The following WNT5B variants were observed in gnomAD, a reference collection of about 807,000 sequenced individuals.
The protein encoded by WNT5B is Wnt family member 5B.
In WNT5B, 18 loss-of-function variants were observed where a neutral mutation model predicts 36.5. The ratio of observed to expected loss-of-function variants is 0.49; its 90% CI spans 0.34 to 0.73. The LOEUF (loss-of-function observed/expected upper bound fraction) is 0.73. WNT5B is among the 30% of genes least tolerant of loss of function. The pLI, the probability that WNT5B is intolerant of heterozygous loss-of-function variation, is 0.01. For synonymous variants in WNT5B, 213 were observed against 212.3 expected (o/e 1.00, Z -0.03); for missense variants, 424 against 508.4 (o/e 0.83, Z 1.60).
At position 1,645,940 on chromosome 12, in the gene WNT5B, C is replaced by G. The variant is rs1242901894; in HGVS notation, c.768C>G (p.Arg256=). 1.2e-6 allele frequency: 2 copies of G among 1,610,092 alleles called. No homozygotes were observed. Among genetic ancestry groups the G allele is most frequent in the Non-Finnish European group, 1.7e-6 (2 of 1,179,850 alleles). ...AGTACGACAGCGCGGCCGCCATGCG[C>G]GTCACCCGCAAGGGCCGGCTGGAGC... ...KEKYDSAAAM[R]VTRKGRLELV... The change falls in exon 5 of 5, where the codon CGC becomes CGG. Residue 256 remains arginine, a synonymous_variant. Transcript: ENST00000397196.
chr12:1,643,451 T>C lies in WNT5B; in HGVS notation c.622-2343T>C, dbSNP rs930986979. On this transcript the variant is annotated intron_variant, in intron 4 of 4. Transcript: ENST00000397196. ...GCGATCTCGGCTCACTGCAAACCTC[T>C]GCTTCCCAGGTTCAAGCGATTCTTC... is the stretch of plus-strand genomic sequence containing the variant. 4.6e-5 allele frequency among the ~76,000 whole-genome samples: 7 copies of C among 152,222 alleles called. No homozygotes were observed. In the East Asian group the frequency reaches 5.8e-4, roughly 13 times the overall value.
intron 4 of WNT5B, 81 bp from the exon 5 acceptor site, chr12:1,645,713 A>T: frequency 7.4e-7 from 1 of 1,350,002 alleles, no homozygotes; most frequent in Non-Finnish European, 1.0e-6. Context: ...CCTGTGTACT[A>T]GGCCTGTGGC....
intron 4 of WNT5B, chr12:1,645,028 C>T (rs1405619530): frequency 6.6e-6 from 1 of 152,184 alleles, no homozygotes; most frequent in East Asian, 1.9e-4. Context: ...TATGGCAAGA[C>T]TCCTGATGAC....
intron 4 of WNT5B, among the ~76,000 whole-genome samples, 192 bp downstream of exon 4, chr12:1,640,168 C>CT (rs1308592112): frequency 2.0e-5 from 3 of 152,244 alleles, no homozygotes; most frequent in African/African-American, 7.2e-5. Flanking sequence ...TCCCAATGGG[C>CT]ATACGTGCTT....
At position 1,632,637 on chromosome 12, in the gene WNT5B, C is replaced by A; in HGVS notation, c.81-21C>A. The A allele has an allele frequency of 1.3e-6, 2 of 1,581,264 alleles. No homozygotes were observed. Among genetic ancestry groups the A allele is most frequent in the South Asian group, 2.2e-5 (2 of 89,154 alleles). On this transcript the variant is annotated intron_variant, in intron 2 of 4. Coordinates refer to ENST00000397196, the MANE Select transcript of WNT5B (RefSeq NM_032642.3). This position sits in a 1 kb window ranked among gnomAD's most constrained non-coding sequence, Gnocchi z 5.8. ...GCTCACTCCTGGGCCTTTTTTTCCC[C>A]TTTCTGGATTGCTGTCCTAGGTCAT...
At chr12:1,639,205 T>G (rs1214374502) in intron 3 of WNT5B, among the ~76,000 whole-genome samples, 1 of 150,510 alleles carries the variant, frequency 6.6e-6, no homozygotes, top group African/African-American at 2.4e-5. Flanking sequence ...TGGCGCGGTC[T>G]CAGCTCCCTG....
upstream of WNT5B, among the ~76,000 whole-genome samples, chr12:1,629,043 A>AT (rs373799013): frequency 0.015 from 2,063 of 139,602 alleles, 43 homozygotes; most frequent in African/African-American, 0.055. Flanking sequence ...TTGGGGGGCA[A>AT]TTTTTAAAAA....
chr12:1,631,094 G>T (rs934136575), intron 1 of WNT5B: 2 of 382,666 alleles, frequency 5.2e-6, no homozygotes, highest in Admixed American at 3.9e-5. Flanking sequence ...CCTGTGCAGG[G>T]TTCCCACAGT....
chr12:1,627,306 G>A (rs2094542618), upstream of WNT5B, among the ~76,000 whole-genome samples: 1 of 152,196 alleles, frequency 6.6e-6, no homozygotes, highest in African/African-American at 2.4e-5. The surrounding 1 kb of genome is among the most constrained non-coding windows in gnomAD (Gnocchi z 5.0). Flanking sequence ...TGAGGAGAGG[G>A]GCAGATGTGG....
chr12:1,639,747 G>A lies in WNT5B; in HGVS notation c.392G>A (p.Arg131Gln), dbSNP rs751763308. The change falls in exon 4 of 5, where the codon CGG (arginine) becomes CAG (glutamine). Residue 131 changes from arginine (R) to glutamine (Q), a missense_variant. Arg to Gln is a conservative substitution (Grantham distance 43, BLOSUM62 1). Transcript: ENST00000397196. ...GCGGGCGTGGTCAACGCCATCAGCC[G>A]GGCCTGCCGCGAGGGCGAGCTCTCC... is the stretch of plus-strand genomic sequence containing the variant. The part of the protein sequence containing the change: ...SAAGVVNAIS[R>Q]ACREGELSTC... 32 of 1,603,394 alleles carry A rather than the reference G, an allele frequency of 2.0e-5. No individual in the cohort carries two copies. Among genetic ancestry groups the A allele is most frequent in the Admixed American group, 1.7e-4 (10 of 58,604 alleles).
rs1331388498 is a variant in WNT5B at position 1,646,438 on chromosome 12, G to A, written c.*186G>A. ...AGATCTCTGAGGAGTGGACTTTGCT[G>A]GTTCTCTCCTCTTGGTGGGTGGGAG... On this transcript the variant is annotated 3_prime_UTR_variant, in exon 5 of 5. Transcript: ENST00000397196. 2.3e-6 allele frequency: 1 copy of A among 427,800 alleles called. No homozygotes were observed. Among genetic ancestry groups the A allele is most frequent in the Non-Finnish European group, 3.7e-6 (1 of 271,360 alleles). 26.5% of individuals were successfully genotyped at this position (427,800 alleles called of 1,614,324 possible). A position where few individuals can be genotyped will look rare whatever the true frequency, so the allele number is the denominator to read the frequency against.
rs1253806693 is a variant in WNT5B at position 1,632,692 on chromosome 12, A to G, written c.115A>G (p.Met39Val). 1 of 1,610,482 alleles carries G rather than the reference A, an allele frequency of 6.2e-7. No homozygotes were observed. Among genetic ancestry groups the G allele is most frequent in the Non-Finnish European group, 8.5e-7 (1 of 1,177,022 alleles). ...LALNPVQRPE[M>V]FIIGAQPVCS... The stretch of plus-strand genomic sequence containing the variant: ...TTTGAACCCGGTGCAGAGACCCGAG[A>G]TGTTTATCATCGGTGCCCAGCCCGT... Residue 39 changes from methionine (M) to valine (V), a missense_variant, in exon 3 of 5, where the codon ATG becomes GTG. Coordinates refer to ENST00000397196, the MANE Select transcript of WNT5B (RefSeq NM_032642.3). This position sits in a 1 kb window ranked among gnomAD's most constrained non-coding sequence, Gnocchi z 5.8.
At position 1,637,681 on chromosome 12, in the gene WNT5B, C is replaced by T. The variant is rs2094564674; in HGVS notation, c.329-2003C>T. 2.0e-5 allele frequency among the ~76,000 whole-genome samples: 3 copies of T among 150,278 alleles called. No homozygotes were observed. In the South Asian group the frequency reaches 6.3e-4, roughly 32 times the overall value. On this transcript the variant is annotated intron_variant, in intron 3 of 4. Coordinates refer to ENST00000397196, the MANE Select transcript of WNT5B (RefSeq NM_032642.3). The stretch of plus-strand genomic sequence containing the variant: ...AGGAGAATTGTTTGAACTCGGGCAG[C>T]AGAGGTTGCAGTGAGCTGAGATCGT...
chr12:1,634,674 CT>C (rs2094557230), intron 3 of WNT5B, among the ~76,000 whole-genome samples: 1 of 152,184 alleles, frequency 6.6e-6, no homozygotes, highest in Non-Finnish European at 1.5e-5. Flanking sequence ...TCCTCCCTTC[CT>C]CCCCCCTGAG....
chr12:1,623,186 T>G, intron 1 of WNT5B, among the ~76,000 whole-genome samples: 1 of 129,986 alleles, frequency 7.7e-6, no homozygotes, highest in African/African-American at 3.2e-5. Flanking sequence ...GGTTTTTTGT[T>G]GTTTTTTTTT....
At position 1,632,037 on chromosome 12, in the gene WNT5B, A is replaced by C. The variant is rs1197359017; in HGVS notation, c.80+603A>C. On this transcript the variant is annotated intron_variant, in intron 2 of 4. Coordinates refer to ENST00000397196, the MANE Select transcript of WNT5B (RefSeq NM_032642.3). This position sits in a 1 kb window ranked among gnomAD's most constrained non-coding sequence, Gnocchi z 5.8. ...TGATGAGCAAAAGGGAGAGCCTCTG[A>C]ACTGGTGGAGAGTGGATGAGGGGAA... Among the ~76,000 whole-genome samples the C allele has an allele frequency of 1.3e-5, 2 of 152,182 alleles. No individual in the cohort carries two copies. Among genetic ancestry groups the C allele is most frequent in the Non-Finnish European group, 2.9e-5 (2 of 68,036 alleles).
intron 1 of WNT5B, among the ~76,000 whole-genome samples, chr12:1,623,184 G>GTTTTTT (rs1555156800): frequency 6.0e-4 from 32 of 53,480 alleles, no homozygotes; most frequent in Non-Finnish European, 8.4e-4. Context: ...AGGGTTTTTT[G>GTTTTTT]TTGTTTTTTT....
intron 1 of WNT5B, among the ~76,000 whole-genome samples, chr12:1,622,167 G>A (rs1387772714): frequency 4.9e-5 from 7 of 143,480 alleles, no homozygotes; most frequent in Non-Finnish European, 1.0e-4. Context: ...CTGGAGTGCA[G>A]TGGCGTGATC....
Position 1,639,995 on chromosome 12 carries a change from G to T in WNT5B, c.621+19G>T. ...TCGCAGGGTAAGCTGGGCCTCCCCG[G>T]CCTCCCCAGCACTGCAGACCTAGGG... On this transcript the variant is annotated intron_variant, in intron 4 of 4. Transcript: ENST00000397196. The T allele has an allele frequency of 6.3e-7, 1 of 1,599,548 alleles. No homozygotes were observed. Among genetic ancestry groups the T allele is most frequent in the African/African-American group, 1.3e-5 (1 of 74,626 alleles).
Sources: allele counts gnomAD v4.1 joint callset (sites outside exome capture counted in the v4.1 genomes callset), GRCh38; gene constraint gnomAD v4.1.1; non-coding constraint Gnocchi (gnomAD v3.1); transcripts MANE v1.5; gene names NCBI Gene and HGNC (gene_info 2026-07-23, HGNC 2026-07-21).